Variants in IL1A observed in about 807,000 individuals in gnomAD.
IL1A encodes the protein interleukin 1 alpha, also known as interleukin-1 alpha.
Under a neutral mutation model 22.2 loss-of-function variants are expected in IL1A, and 16 were observed. That is an observed-to-expected ratio of 0.72 (90% CI 0.49 to 1.09). IL1A has a LOEUF of 1.09. IL1A is among the 50% of genes least tolerant of loss of function. IL1A has a pLI of 0.00. For missense variants in IL1A, 317 were observed against 321.8 expected (o/e 0.99, Z 0.11); for synonymous variants, 113 against 118.5 (o/e 0.95, Z 0.30).
In IL1A at chr2:112,774,443, A is replaced by C. The variant is rs2104904892; in HGVS notation, c.*624T>G. Reference sequence around the variant, plus strand: ...TTATCTTAAATATATTTATAAATACATATATAAATAATAATTAAAAAATAA... The same window carrying C: ...TTATCTTAAATATATTTATAAATACCTATATAAATAATAATTAAAAAATAA... On this transcript the variant is annotated 3_prime_UTR_variant, in exon 7 of 7. Coordinates refer to ENST00000263339, the MANE Select transcript of IL1A (RefSeq NM_000575.5). The C allele has an allele frequency of 6.7e-6, 1 of 150,370 alleles. No individual in the cohort carries two copies. The highest frequency in any genetic ancestry group is 2.4e-5 in the African/African-American group (1 of 41,242). The allele number at this position is 150,370 out of a possible 1,614,324, so 9.3% of individuals were successfully genotyped here.
chr2:112,781,672 CTCT>C lies in IL1A; in HGVS notation c.248_250del (p.Lys83del), dbSNP rs753895791. ...GATGGATTGGCTTAAACTCAACCGT[CTCT>C]TCTTCAGAACCTTCCCGTTGGTTGC... is the stretch of plus-strand genomic sequence containing the variant. On this transcript the variant is annotated inframe_deletion, in exon 4 of 7. Coordinates refer to ENST00000263339, the MANE Select transcript of IL1A (RefSeq NM_000575.5). 6.2e-7 allele frequency: 1 copy of C among 1,614,266 alleles called. No homozygotes were observed. The highest frequency in any genetic ancestry group is 1.1e-5 in the South Asian group (1 of 91,092).
intron 6 of IL1A, among the ~76,000 whole-genome samples, chr2:112,777,778 G>T (rs933957892): frequency 6.6e-5 from 10 of 152,146 alleles, no homozygotes; most frequent in African/African-American, 1.7e-4. Flanking sequence ...AAAGAAAGAA[G>T]GTAATTTTCC....
intron 2 of IL1A, among the ~76,000 whole-genome samples, chr2:112,783,445 G>A (rs1484455824): frequency 2.6e-5 from 4 of 152,180 alleles, no homozygotes; most frequent in Non-Finnish European, 5.9e-5. Flanking sequence ...TCTCAACAGA[G>A]GCTGTGTCTA....
Position 112,780,523 on chromosome 2 carries a change from G to T in IL1A, c.320-857C>A, listed in dbSNP as rs908795580. Among the ~76,000 whole-genome samples the T allele has an allele frequency of 9.8e-5, 15 of 152,332 alleles. 1 individual carries two copies. The South Asian group carries it at 3.1e-3, about 32-fold the overall frequency. ...GAGGCTTGTACAGTAAAGGGATGGA[G>T]GAGAAACCATGATTTTTTTACTCAG... On this transcript the variant is annotated intron_variant, in intron 4 of 6. Transcript: ENST00000263339.
chr2:112,777,880 G>C, intron 6 of IL1A, 107 bp downstream of exon 6: 1 of 1,168,854 alleles, frequency 8.6e-7, no homozygotes, highest in Non-Finnish European at 1.2e-6. Context: ...GCTGTGGTAG[G>C]AAGGAAAGAG....
At chr2:112,777,536 T>C (rs1681120124) in intron 6 of IL1A, among the ~76,000 whole-genome samples, 2 of 152,190 alleles carry the variant, frequency 1.3e-5, no homozygotes, top group Non-Finnish European at 2.9e-5. Context: ...AGAGGGGAAC[T>C]GGAAGCAGCA....
intron 6 of IL1A, 35 bp from the exon 7 acceptor site, chr2:112,775,302 A>T: frequency 6.4e-7 from 1 of 1,572,112 alleles, no homozygotes; most frequent in East Asian, 2.2e-5. Context: ...GTTAGAGAAC[A>T]AGATGGTAGA....
intron 5 of IL1A, 68 bp from the exon 6 acceptor site, chr2:112,778,179 G>C: frequency 2.2e-6 from 3 of 1,337,620 alleles, no homozygotes; most frequent in African/African-American, 1.5e-5. Context: ...TGTTGATGTA[G>C]ATTGTGTGTG....
intron 5 of IL1A, among the ~76,000 whole-genome samples, chr2:112,778,788 ATAT>A (rs1681144411): frequency 6.6e-6 from 1 of 152,258 alleles, no homozygotes; most frequent in Non-Finnish European, 1.5e-5. Context: ...TGCAGAAATA[ATAT>A]TAAGTAGAAA....
At chr2:112,775,388 A>G (rs1681083372) in intron 6 of IL1A, 121 bp from the exon 7 acceptor site, 2 of 695,852 alleles carry the variant, frequency 2.9e-6, no homozygotes, top group South Asian at 1.7e-5. Flanking sequence ...CTGTAACATG[A>G]TGCTATAGGC....
intron 5 of IL1A, among the ~76,000 whole-genome samples, chr2:112,778,906 G>C (rs778178340): frequency 6.6e-6 from 1 of 152,152 alleles, no homozygotes; most frequent in Non-Finnish European, 1.5e-5. Flanking sequence ...TGCCTCTCTG[G>C]ACCTTTGAAA....
intron 6 of IL1A, 89 bp from the exon 7 acceptor site, chr2:112,775,356 A>G: frequency 2.1e-6 from 2 of 961,424 alleles, no homozygotes; most frequent in Non-Finnish European, 1.7e-6. Flanking sequence ...CCTTCATGAG[A>G]AACAGCACTT....
At position 112,779,647 on chromosome 2, in the gene IL1A, T is replaced by C; in HGVS notation, c.339A>G (p.Ser113=). Residue 113 remains serine, a synonymous_variant, in exon 5 of 7, where the codon TCA becomes TCG. Transcript: ENST00000263339. ...CATTGCTCAGGAAGCTAAAAGGTGC[T>C]GACCTAGGCTTGATGATTTCTAAAA... The part of the protein sequence containing the change: ...DSEEEIIKPR[S]APFSFLSNVK... 6.2e-7 allele frequency: 1 copy of C among 1,604,806 alleles called. No homozygotes were observed. Among genetic ancestry groups the C allele is most frequent in the Non-Finnish European group, 8.5e-7 (1 of 1,172,304 alleles).
chr2:112,775,718 T>A (rs1351885157), intron 6 of IL1A, among the ~76,000 whole-genome samples: 1 of 152,104 alleles, frequency 6.6e-6, no homozygotes, highest in Admixed American at 6.6e-5. Context: ...ATGACATTTA[T>A]CTCAGTATTT....
At chr2:112,776,172 A>G (rs1467492200) in intron 6 of IL1A, among the ~76,000 whole-genome samples, 1 of 151,834 alleles carries the variant, frequency 6.6e-6, no homozygotes, top group Non-Finnish European at 1.5e-5. Flanking sequence ...CTGCTTCTCT[A>G]TTGCCTTCCT....
intron 2 of IL1A, 54 bp from the exon 3 acceptor site, chr2:112,782,818 G>T: frequency 1.5e-6 from 2 of 1,318,880 alleles, no homozygotes; most frequent in Non-Finnish European, 2.2e-6. Flanking sequence ...TGTGGTCTCT[G>T]GCCAATGTAC....
chr2:112,778,305 A>G (rs940135190), intron 5 of IL1A, among the ~76,000 whole-genome samples, 194 bp from the exon 6 acceptor site: 1 of 151,838 alleles, frequency 6.6e-6, no homozygotes, highest in African/African-American at 2.4e-5. Context: ...TGTGTCCTTC[A>G]CAATGTCTTC....
chr2:112,778,553 G>A (rs575313803), intron 5 of IL1A, among the ~76,000 whole-genome samples: 22 of 152,274 alleles, frequency 1.4e-4, no homozygotes, highest in Admixed American at 3.9e-4. Context: ...ACAGAATAAT[G>A]TTTAATAAGA....
rs1334349262 is a variant in IL1A, at chr2:112,778,112, C to T, written c.491-1G>A. ...TTATAAGCACCCATGTCAAATTTCA[C>T]TGGTGAAGAGAAGAACCAAAAAGAA... On this transcript the variant is annotated splice_acceptor_variant, in intron 5 of 6. Transcript: ENST00000263339. LOFTEE classifies it high-confidence loss of function. 3 of 1,612,290 alleles carry T rather than the reference C, an allele frequency of 1.9e-6. No homozygotes were observed. Among genetic ancestry groups the T allele is most frequent in the Non-Finnish European group, 2.5e-6 (3 of 1,179,090 alleles).
Sources: gnomAD v4.1 joint callset for allele counts (sites outside exome capture counted in the v4.1 genomes callset) on GRCh38, gnomAD v4.1.1 for gene constraint, MANE v1.5 for transcripts, NCBI Gene and HGNC (gene_info 2026-07-23, HGNC 2026-07-21) for gene names.